Variants in TRAPPC9 observed in about 807,000 individuals in gnomAD.
TRAPPC9 encodes IKK2 binding protein.
In TRAPPC9, 83 loss-of-function variants were observed where a neutral mutation model predicts 124.0. The ratio of observed to expected loss-of-function variants is 0.67; its 90% CI spans 0.56 to 0.80. The LOEUF (loss-of-function observed/expected upper bound fraction) is 0.80, where lower values mean the gene tolerates loss of function less well. Among genes scored for constraint, TRAPPC9 ranks in the 30% least tolerant of loss-of-function variants. The pLI is 0.00. For missense variants in TRAPPC9, 1,302 were observed against 1,508.3 expected, an observed-to-expected ratio of 0.86 and a Z score of 2.27; for synonymous variants, 638 against 617.5, an observed-to-expected ratio of 1.03 and a Z score of -0.49.
At chr8:140,209,067 G>A (rs1373832658) in intron 17 of TRAPPC9, among the ~76,000 whole-genome samples, 3 of 152,156 alleles carry the variant, frequency 2.0e-5, no homozygotes, top group African/African-American at 7.2e-5. Flanking sequence ...AGTGTTTGTT[G>A]CTCAGCACAG....
At chr8:139,733,315 C>T (rs562516283) in intron 21 of TRAPPC9, among the ~76,000 whole-genome samples, 1 of 152,264 alleles carries the variant, frequency 6.6e-6, no homozygotes, top group South Asian at 2.1e-4. Context: ...AAGAATAAGC[C>T]CCCAGAACCT....
chr8:140,294,354 G>T (rs1335823048), intron 11 of TRAPPC9, among the ~76,000 whole-genome samples: 2 of 152,088 alleles, frequency 1.3e-5, no homozygotes, highest in African/African-American at 4.8e-5. Flanking sequence ...CCTGCCCGGG[G>T]CCACTGATGG....
chr8:139,994,665 A>T (rs1837853919), intron 18 of TRAPPC9, among the ~76,000 whole-genome samples: 1 of 152,212 alleles, frequency 6.6e-6, no homozygotes, highest in African/African-American at 2.4e-5. Context: ...GTCTCTTGAC[A>T]TTAACACGGA....
At chr8:140,441,158 T>G (rs1455032748) in intron 2 of TRAPPC9, among the ~76,000 whole-genome samples, 1 of 151,442 alleles carries the variant, frequency 6.6e-6, no homozygotes, top group African/African-American at 2.4e-5. Context: ...GTTTTTTATT[T>G]TTTGTAGAGA....
At chr8:140,294,766 C>A (rs1390653620) in intron 11 of TRAPPC9, among the ~76,000 whole-genome samples, 1 of 59,968 alleles carries the variant, frequency 1.7e-5, no homozygotes, top group East Asian at 2.0e-4. Context: ...CGCCACCATG[C>A]CCGGCTAAAT....
intron 17 of TRAPPC9, among the ~76,000 whole-genome samples, chr8:140,025,305 C>G (rs917705509): frequency 6.6e-6 from 1 of 152,204 alleles, no homozygotes; most frequent in African/African-American, 2.4e-5. Context: ...AATCTGACCA[C>G]CGCCTGTTTT....
At chr8:139,731,835 A>G (rs1314418932) in intron 22 of TRAPPC9, 144 bp downstream of exon 22, 7 of 778,036 alleles carry the variant, frequency 9.0e-6, no homozygotes, top group Non-Finnish European at 1.5e-5. Context: ...GCAGACTCAG[A>G]CTCAGTGTGC....
intron 19 of TRAPPC9, among the ~76,000 whole-genome samples, chr8:139,975,039 T>C (rs889097065): frequency 6.6e-6 from 1 of 152,130 alleles, no homozygotes; most frequent in African/African-American, 2.4e-5. Flanking sequence ...GTCTCCAGAC[T>C]GCCTCTCCAG....
intron 17 of TRAPPC9, among the ~76,000 whole-genome samples, chr8:140,092,441 C>T (rs1374264385): frequency 6.6e-6 from 1 of 152,188 alleles, no homozygotes; most frequent in Non-Finnish European, 1.5e-5. Flanking sequence ...AAGAGATTCA[C>T]CTGCCTCAGC....
intron 20 of TRAPPC9, 80 bp from the exon 21 acceptor site, chr8:139,886,049 C>T: frequency 2.2e-6 from 3 of 1,356,392 alleles, no homozygotes; most frequent in Non-Finnish European, 3.1e-6. Context: ...GACAGAGACC[C>T]TCAGATGGGA....
intron 5 of TRAPPC9, among the ~76,000 whole-genome samples, chr8:140,409,388 C>T (rs1330822976): frequency 6.6e-6 from 1 of 152,116 alleles, no homozygotes; most frequent in Non-Finnish European, 1.5e-5. Flanking sequence ...ATGAAGAAGA[C>T]TTTGGCAGGA....
At chr8:139,846,744 C>G (rs1163159919) in intron 21 of TRAPPC9, among the ~76,000 whole-genome samples, 1 of 152,154 alleles carries the variant, frequency 6.6e-6, no homozygotes, top group Non-Finnish European at 1.5e-5. Flanking sequence ...AGGCCCATTC[C>G]CATCCTCCCT....
rs552841855 is a variant in TRAPPC9 at position 140,084,925 on chromosome 8, G to C, written c.2557-60846C>G. On this transcript the variant is annotated intron_variant, in intron 17 of 22. Coordinates refer to ENST00000438773, the MANE Select transcript of TRAPPC9 (RefSeq NM_001160372.4). ...TACAGACAGGAAACTGATATCCAGT[G>C]GGGTATGGTAACTTGCCCAAGAGGA... Among the ~76,000 whole-genome samples the C allele has an allele frequency of 3.9e-5, 6 of 152,330 alleles. No individual in the cohort carries two copies. The South Asian group carries it at 1.2e-3, about 32-fold the overall frequency.
At chr8:140,217,054 T>G (rs151144421) in intron 17 of TRAPPC9, among the ~76,000 whole-genome samples, 9 of 152,146 alleles carry the variant, frequency 5.9e-5, no homozygotes, top group African/African-American at 2.2e-4. Context: ...AGGAGGCCCC[T>G]GAAATCCATC....
At chr8:139,755,657 TA>T (rs1819692517) in intron 21 of TRAPPC9, among the ~76,000 whole-genome samples, 1 of 36,662 alleles carries the variant, frequency 2.7e-5, no homozygotes, top group Non-Finnish European at 5.1e-5. Flanking sequence ...AGGGTTGGGG[TA>T]TAAGGACAGC....
intron 15 of TRAPPC9, among the ~76,000 whole-genome samples, chr8:140,267,043 T>C (rs2064691305): frequency 6.6e-6 from 1 of 151,948 alleles, no homozygotes; most frequent in South Asian, 2.1e-4. Flanking sequence ...AAAGGGAGTC[T>C]GTAATAGTAA....
intron 9 of TRAPPC9, among the ~76,000 whole-genome samples, chr8:140,344,972 C>T (rs1437746009): frequency 2.0e-5 from 3 of 152,332 alleles, no homozygotes; most frequent in Middle Eastern, 3.4e-3. Context: ...GGCCTGACGG[C>T]GGGGAAGCCA....
At chr8:140,307,551 A>C (rs2066171135) in intron 10 of TRAPPC9, among the ~76,000 whole-genome samples, 1 of 152,220 alleles carries the variant, frequency 6.6e-6, no homozygotes, top group African/African-American at 2.4e-5. Context: ...TAAGCGCTAC[A>C]GAAGAAAGAT....
At chr8:139,897,457 TAAAG>T (rs970761099) in intron 20 of TRAPPC9, among the ~76,000 whole-genome samples, 63 of 152,230 alleles carry the variant, frequency 4.1e-4, no homozygotes, top group African/African-American at 1.4e-3. Flanking sequence ...TCCAAGCCAC[TAAAG>T]AAAGAATTCA....
Sources: gnomAD v4.1 joint callset for allele counts (sites outside exome capture counted in the v4.1 genomes callset) on GRCh38, gnomAD v4.1.1 for gene constraint, MANE v1.5 for transcripts, NCBI Gene and HGNC (gene_info 2026-07-23, HGNC 2026-07-21) for gene names.